JAM3: variants seen among roughly 807,000 people sequenced by gnomAD.
JAM3 encodes the protein junctional adhesion molecule C.
In JAM3, 31 loss-of-function variants were observed where a neutral mutation model predicts 39.4. That is an observed-to-expected ratio of 0.79 (90% CI 0.59 to 1.06). JAM3 has a LOEUF of 1.06. Ranked by LOEUF, JAM3 falls within the 50% of genes least tolerant of loss-of-function variation. The pLI, the probability that JAM3 is intolerant of heterozygous loss-of-function variation, is 0.00. For missense variants in JAM3, 455 were observed against 391.4 expected (o/e 1.16, Z -1.37); for synonymous variants, 182 against 148.7 (o/e 1.22, Z -1.63).
chr11:134,102,283 A>T (rs971838076), intron 1 of JAM3, among the ~76,000 whole-genome samples: 2 of 152,186 alleles, frequency 1.3e-5, no homozygotes, highest in African/African-American at 4.8e-5. Flanking sequence ...GCAAACTCCA[A>T]CAGACTTGCA....
intron 1 of JAM3, among the ~76,000 whole-genome samples, chr11:134,139,325 C>T (rs1396670309): frequency 6.6e-6 from 1 of 152,220 alleles, no homozygotes; most frequent in African/African-American, 2.4e-5. Context: ...TCTTCGTGGA[C>T]TGGAACCACC....
At chr11:134,145,748 C>T (rs1943059059) in intron 5 of JAM3, among the ~76,000 whole-genome samples, 198 bp from the exon 6 acceptor site, 1 of 152,182 alleles carries the variant, frequency 6.6e-6, no homozygotes, top group African/African-American at 2.4e-5. Flanking sequence ...GCTTTGGTGT[C>T]TCCAGTCCCA....
chr11:134,141,230 C>T (rs558738904), intron 3 of JAM3, among the ~76,000 whole-genome samples: 2 of 152,096 alleles, frequency 1.3e-5, no homozygotes, highest in Non-Finnish European at 2.9e-5. Context: ...CCTGAAGTGA[C>T]ATCCTCCCGG....
At chr11:134,117,781 G>A (rs1042951959) in intron 1 of JAM3, among the ~76,000 whole-genome samples, 6 of 152,078 alleles carry the variant, frequency 3.9e-5, no homozygotes, top group Non-Finnish European at 4.4e-5. Flanking sequence ...TTTCAAGTTC[G>A]GTTCCTGAAG....
intron 1 of JAM3, among the ~76,000 whole-genome samples, chr11:134,086,484 A>AT (rs1377391141): frequency 2.6e-5 from 4 of 151,994 alleles, no homozygotes; most frequent in African/African-American, 9.7e-5. Flanking sequence ...ACATTCTTGG[A>AT]TTTAAAAAGT....
intron 1 of JAM3, among the ~76,000 whole-genome samples, chr11:134,103,212 A>T (rs1143809): frequency 0.22 from 33,264 of 152,084 alleles, 3,910 homozygotes; most frequent in East Asian, 0.39. Flanking sequence ...AATATTCAAC[A>T]TTCTTAAAGA....
chr11:134,101,162 G>C (rs1007280140), intron 1 of JAM3, among the ~76,000 whole-genome samples: 16 of 152,184 alleles, frequency 1.1e-4, no homozygotes, highest in African/African-American at 3.9e-4. Flanking sequence ...ACAACCAGGA[G>C]CAGTTTAACA....
At chr11:134,128,480 T>G (rs1405961590) in intron 1 of JAM3, among the ~76,000 whole-genome samples, 1 of 152,228 alleles carries the variant, frequency 6.6e-6, no homozygotes, top group African/African-American at 2.4e-5. Context: ...TCATCTCAAA[T>G]TGTAATCTCC....
intron 1 of JAM3, among the ~76,000 whole-genome samples, chr11:134,090,305 TTTAA>T (rs1257091788): frequency 1.3e-5 from 2 of 152,236 alleles, no homozygotes; most frequent in Non-Finnish European, 2.9e-5. Flanking sequence ...AGCTCTTTAG[TTTAA>T]TTAGATCCCA....
At chr11:134,073,248 T>G (rs1299886187) in intron 1 of JAM3, among the ~76,000 whole-genome samples, 1 of 152,228 alleles carries the variant, frequency 6.6e-6, no homozygotes, top group Non-Finnish European at 1.5e-5. Flanking sequence ...GTTGGTGTGT[T>G]TCTTTTGGTT....
intron 1 of JAM3, among the ~76,000 whole-genome samples, chr11:134,088,580 G>C (rs1941785326): frequency 6.6e-6 from 1 of 152,086 alleles, no homozygotes; most frequent in South Asian, 2.1e-4. Flanking sequence ...CTAATGACAA[G>C]ATGCATTTAA....
rs546757071 is a variant in JAM3 at position 134,139,765 on chromosome 11, G to A, written c.77-86G>A. The A allele has an allele frequency of 3.1e-4, 311 of 1,003,032 alleles. No homozygotes were observed. In the African/African-American group the frequency reaches 4.0e-3, roughly 13 times the overall value. 62.1% of individuals were successfully genotyped at this position (1,003,032 alleles called of 1,614,324 possible). On this transcript the variant is annotated intron_variant, in intron 1 of 8. Coordinates refer to ENST00000299106, the MANE Select transcript of JAM3 (RefSeq NM_032801.5). ...TCTGTGGTTAGTAACCATAGCCTAC[G>A]CAGACGGGAAAACCTGACCTCAGTG...
chr11:134,151,599 A>C lies in JAM3; in HGVS notation c.*2418A>C, dbSNP rs1385243239. On this transcript the variant is annotated 3_prime_UTR_variant, in exon 9 of 9. Transcript: ENST00000299106. ...CGGAAAAGGAATACTCGTGTATTTT[A>C]AGATATGAATGTGACTCAAGACTCG... 2.6e-5 allele frequency: 4 copies of C among 152,210 alleles called. No individual in the cohort carries two copies. The highest frequency in any genetic ancestry group is 9.7e-5 in the African/African-American group (4 of 41,446). The allele number at this position is 152,210 out of a possible 1,614,324, so 9.4% of individuals were successfully genotyped here. A position where few individuals can be genotyped will look rare whatever the true frequency, so the allele number is the denominator to read the frequency against.
chr11:134,150,545 A>G lies in JAM3; in HGVS notation c.*1364A>G, dbSNP rs1320565615. Reference sequence around the variant, plus strand: ...CAGCTCTCAGGTGGGCACTGCAGGGACACTGGTGTCTTCCATGTAGCGTCC... The same window carrying G: ...CAGCTCTCAGGTGGGCACTGCAGGGGCACTGGTGTCTTCCATGTAGCGTCC... On this transcript the variant is annotated 3_prime_UTR_variant, in exon 9 of 9. Coordinates refer to ENST00000299106, the MANE Select transcript of JAM3 (RefSeq NM_032801.5). 1.3e-5 allele frequency: 2 copies of G among 151,624 alleles called. No individual in the cohort carries two copies. The highest frequency in any genetic ancestry group is 3.9e-4 in the East Asian group (2 of 5,172). The allele number at this position is 151,624 out of a possible 1,614,324, so 9.4% of individuals were successfully genotyped here.
Position 134,151,781 on chromosome 11 carries a change from C to T in JAM3, c.*2600C>T, listed in dbSNP as rs114547465. ...ATTGCTTCATTCTTTGTTATTTGCTCTTACGTTGGGTTTGTCTCTTCTTCC... is the reference window on the plus strand; with the variant it reads ...ATTGCTTCATTCTTTGTTATTTGCTTTTACGTTGGGTTTGTCTCTTCTTCC... On this transcript the variant is annotated 3_prime_UTR_variant, in exon 9 of 9. Coordinates refer to ENST00000299106, the MANE Select transcript of JAM3 (RefSeq NM_032801.5). The T allele has an allele frequency of 9.9e-5, 15 of 152,278 alleles. No homozygotes were observed. The highest frequency in any genetic ancestry group is 3.6e-4 in the African/African-American group (15 of 41,536). 9.4% of individuals were successfully genotyped at this position (152,278 alleles called of 1,614,324 possible). A position where few individuals can be genotyped will look rare whatever the true frequency, so the allele number is the denominator to read the frequency against.
At chr11:134,135,458 G>GT (rs1942845953) in intron 1 of JAM3, among the ~76,000 whole-genome samples, 2 of 152,126 alleles carry the variant, frequency 1.3e-5, no homozygotes, top group South Asian at 4.2e-4. Context: ...ACGTTGAAAT[G>GT]TAATAAAGAT....
intron 1 of JAM3, among the ~76,000 whole-genome samples, chr11:134,119,064 G>T (rs1406092354): frequency 1.3e-5 from 2 of 151,546 alleles, no homozygotes; most frequent in African/African-American, 4.9e-5. Flanking sequence ...TACCTCCTGG[G>T]TTCAAGCAAG....
intron 1 of JAM3, among the ~76,000 whole-genome samples, chr11:134,098,660 A>G (rs1942025225): frequency 6.6e-6 from 1 of 152,208 alleles, no homozygotes; most frequent in Non-Finnish European, 1.5e-5. Context: ...AAGTACACTG[A>G]ACTCATGAAT....
At chr11:134,134,243 A>G (rs1201899676) in intron 1 of JAM3, among the ~76,000 whole-genome samples, 14 of 152,104 alleles carry the variant, frequency 9.2e-5, no homozygotes, top group Admixed American at 9.2e-4. Flanking sequence ...GTGGGCAACT[A>G]CAGAAGATTA....
Sources: gnomAD v4.1 joint callset for allele counts (sites outside exome capture counted in the v4.1 genomes callset) on GRCh38, gnomAD v4.1.1 for gene constraint, MANE v1.5 for transcripts, NCBI Gene and HGNC (gene_info 2026-07-23, HGNC 2026-07-21) for gene names.